The following CHRM1 variants were observed in gnomAD, a reference collection of about 807,000 sequenced individuals.
The protein encoded by CHRM1 is cholinergic receptor muscarinic 1.
A neutral mutation model predicts 31.6 loss-of-function variants in CHRM1; 5 were observed. The observed-to-expected ratio is 0.16, with a 90% CI of 0.08 to 0.33. The LOEUF is 0.33. Ranked by LOEUF, CHRM1 falls within the 10% of genes least tolerant of loss-of-function variation. CHRM1 has a pLI of 1.00. For synonymous variants in CHRM1, 227 were observed against 249.7 expected, an observed-to-expected ratio of 0.91 and a Z score of 0.86; for missense variants, 338 against 610.3, an observed-to-expected ratio of 0.55 and a Z score of 4.70.
At chr11:62,913,558 C>T (rs1051108186) in intron 1 of CHRM1, among the ~76,000 whole-genome samples, 5 of 151,808 alleles carry the variant, frequency 3.3e-5, no homozygotes, top group Non-Finnish European at 7.4e-5. Context: ...GTAACCCTAG[C>T]TACTCTGGAG....
chr11:62,910,085 T>A lies in CHRM1; in HGVS notation c.1016A>T (p.Lys339Met), dbSNP rs370707333. 1.9e-6 allele frequency: 3 copies of A among 1,612,894 alleles called. No homozygotes were observed. The highest frequency in any genetic ancestry group is 1.7e-6 in the Non-Finnish European group (2 of 1,179,752). ...CTCCTTTCCACGGGGCTTCTGGCCC[T>A]TGCCAGCTCGATCACGCCCTTTCTT... Reference protein sequence around the residue: ...PTKKGRDRAGKGQKPRGKEQL... With the variant: ...PTKKGRDRAGMGQKPRGKEQL... Residue 339 changes from lysine (K) to methionine (M), a missense_variant, in exon 2 of 2, where the codon AAG (lysine) becomes ATG (methionine). By Grantham distance (95) the Lys-to-Met change is moderately conservative (BLOSUM62 -1). Transcript: ENST00000306960. This position sits in a 1 kb window ranked among gnomAD's most constrained non-coding sequence, Gnocchi z 8.7.
At position 62,910,534 on chromosome 11, in the gene CHRM1, G is replaced by A. The variant is rs1428064070; in HGVS notation, c.567C>T (p.Thr189=). The stretch of plus-strand genomic sequence containing the variant: ...AGAAGGCAGCCATGGCTGTGCCAAA[G>A]GTGATGATGGGCTGGGAGAGGAACT... ...YIQFLSQPII[T]FGTAMAAFYL... Residue 189 remains threonine, a synonymous_variant, in exon 2 of 2, where the codon ACC becomes ACT. Coordinates refer to ENST00000306960, the MANE Select transcript of CHRM1 (RefSeq NM_000738.3). This position sits in a 1 kb window ranked among gnomAD's most constrained non-coding sequence, Gnocchi z 8.7. 1.2e-6 allele frequency: 2 copies of A among 1,614,202 alleles called. No individual in the cohort carries two copies. Among genetic ancestry groups the A allele is most frequent in the South Asian group, 1.1e-5 (1 of 91,082 alleles).
rs930762532 is a variant in CHRM1 at position 62,909,445 on chromosome 11, G to A, written c.*273C>T. 6.1e-6 allele frequency: 3 copies of A among 492,192 alleles called. No individual in the cohort carries two copies. Among genetic ancestry groups the A allele is most frequent in the South Asian group, 3.1e-5 (1 of 32,654 alleles). 30.5% of individuals were successfully genotyped at this position (492,192 alleles called of 1,614,324 possible). On this transcript the variant is annotated 3_prime_UTR_variant, in exon 2 of 2. Coordinates refer to ENST00000306960, the MANE Select transcript of CHRM1 (RefSeq NM_000738.3). Reference sequence around the variant, plus strand: ...AAGGCAAACAAGGAGTCCAAAGCCCGGATCCTCCTCCCGGGCCTTCTTCCT... The same window carrying A: ...AAGGCAAACAAGGAGTCCAAAGCCCAGATCCTCCTCCCGGGCCTTCTTCCT...
At chr11:62,919,705 C>T (rs577255229) in intron 1 of CHRM1, among the ~76,000 whole-genome samples, 1 of 152,240 alleles carries the variant, frequency 6.6e-6, no homozygotes, top group African/African-American at 2.4e-5. Flanking sequence ...GGAGCCCAAG[C>T]TTCTGCGTCT....
Position 62,909,846 on chromosome 11 carries a change from C to G in CHRM1, c.1255G>C (p.Ala419Pro). The part of the protein sequence containing the change: ...VNSTINPMCY[A>P]LCNKAFRDTF... Reference sequence around the variant, plus strand: ...TCCCGGAAGGCTTTGTTGCAGAGTGCGTAGCACATGGGGTTGATGGTGCTG... The same window carrying G: ...TCCCGGAAGGCTTTGTTGCAGAGTGGGTAGCACATGGGGTTGATGGTGCTG... Residue 419 changes from alanine to proline, a missense_variant, in exon 2 of 2, where the codon GCA becomes CCA. By Grantham distance (27) the Ala-to-Pro change is conservative. Coordinates refer to ENST00000306960, the MANE Select transcript of CHRM1 (RefSeq NM_000738.3). 6.2e-7 allele frequency: 1 copy of G among 1,614,252 alleles called. No homozygotes were observed. The highest frequency in any genetic ancestry group is 8.5e-7 in the Non-Finnish European group (1 of 1,180,030).
At position 62,908,760 on chromosome 11, in the gene CHRM1, C is replaced by T. The variant is rs1237344145; in HGVS notation, c.*958G>A. ...AAAGAACATTTGGGGCCAGGCTGGG[C>T]CTGGAGATCCGGGTGGCTGGGAGGC... On this transcript the variant is annotated 3_prime_UTR_variant, in exon 2 of 2. Transcript: ENST00000306960. 1 of 153,004 alleles carries T rather than the reference C, an allele frequency of 6.5e-6. No homozygotes were observed. The highest frequency in any genetic ancestry group is 1.5e-5 in the Non-Finnish European group (1 of 68,332). The allele number at this position is 153,004 out of a possible 1,614,324, so 9.5% of individuals were successfully genotyped here. A position where few individuals can be genotyped will look rare whatever the true frequency, so the allele number is the denominator to read the frequency against.
rs190710173 is a variant in CHRM1, at chr11:62,911,785, G to C, written c.-78-607C>G. On this transcript the variant is annotated intron_variant, in intron 1 of 1. Transcript: ENST00000306960. ...CAGAAATGTGTCCTAAAACAGGAAA[G>C]AAAGAAAAGAAGCCATTCTCACTCT... 6.6e-5 allele frequency among the ~76,000 whole-genome samples: 10 copies of C among 152,254 alleles called. No individual in the cohort carries two copies. In the East Asian group the frequency reaches 1.9e-3, roughly 29 times the overall value.
At chr11:62,913,417 A>G (rs2085883091) in intron 1 of CHRM1, among the ~76,000 whole-genome samples, 1 of 152,182 alleles carries the variant, frequency 6.6e-6, no homozygotes, top group Non-Finnish European at 1.5e-5. Context: ...CACGCCTGTA[A>G]TCCCAGCACT....
rs1483531153 is a variant in CHRM1 at position 62,909,575 on chromosome 11, T to C, written c.*143A>G. 8.8e-6 allele frequency: 9 copies of C among 1,019,622 alleles called. No individual in the cohort carries two copies. The highest frequency in any genetic ancestry group is 1.6e-5 in the African/African-American group (1 of 62,174). 63.2% of individuals were successfully genotyped at this position (1,019,622 alleles called of 1,614,324 possible). On this transcript the variant is annotated 3_prime_UTR_variant, in exon 2 of 2. Transcript: ENST00000306960. ...GTCTGGAAAGTTGGCAGGGTCTCTC[T>C]GGGCTGCCCAGGAAGGTGACCCAGG... is the stretch of plus-strand genomic sequence containing the variant.
At chr11:62,919,560 G>A (rs1355441539) in intron 1 of CHRM1, among the ~76,000 whole-genome samples, 1 of 152,086 alleles carries the variant, frequency 6.6e-6, no homozygotes, top group East Asian at 1.9e-4. Context: ...CAAGCCCCCT[G>A]CTCCTGGCTC....
intron 1 of CHRM1, among the ~76,000 whole-genome samples, chr11:62,919,014 T>C (rs191787377): frequency 2.7e-4 from 41 of 152,002 alleles, no homozygotes; most frequent in African/African-American, 4.3e-4. Flanking sequence ...GGGGATAACA[T>C]TGGGGAGTGG....
chr11:62,916,774 G>A (rs1230372369), intron 1 of CHRM1: 1 of 152,338 alleles, frequency 6.6e-6, no homozygotes, highest in Non-Finnish European at 1.5e-5. Flanking sequence ...TGGTGGAGGT[G>A]GGATTCTGAC....
chr11:62,913,911 C>T (rs182518639), intron 1 of CHRM1, among the ~76,000 whole-genome samples: 147 of 150,268 alleles, frequency 9.8e-4, no homozygotes, highest in African/African-American at 3.5e-3. Flanking sequence ...GTTGCGCGAT[C>T]TCGGCTCACT....
chr11:62,912,274 A>G (rs1258608617), intron 1 of CHRM1, among the ~76,000 whole-genome samples: 1 of 149,208 alleles, frequency 6.7e-6, no homozygotes, highest in African/African-American at 2.5e-5. Flanking sequence ...AGACTGAGGC[A>G]GGAGAATCGT....
chr11:62,914,154 C>T (rs180900180), intron 1 of CHRM1, among the ~76,000 whole-genome samples: 84 of 152,220 alleles, frequency 5.5e-4, no homozygotes, highest in Non-Finnish European at 3.4e-4. Flanking sequence ...CAGTGTTAGC[C>T]AGGATGGTCT....
At chr11:62,918,681 C>T (rs1316724348) in intron 1 of CHRM1, among the ~76,000 whole-genome samples, 2 of 152,182 alleles carry the variant, frequency 1.3e-5, no homozygotes, top group African/African-American at 4.8e-5. Flanking sequence ...TTAGCCTGGG[C>T]TCAAAGGGTT....
At chr11:62,915,653 C>T (rs2085896591) in intron 1 of CHRM1, among the ~76,000 whole-genome samples, 1 of 152,168 alleles carries the variant, frequency 6.6e-6, no homozygotes, top group African/African-American at 2.4e-5. Flanking sequence ...GGGTTTGAAG[C>T]TTGGCGCTGA....
At chr11:62,915,146 G>A (rs2085893781) in intron 1 of CHRM1, among the ~76,000 whole-genome samples, 1 of 126,632 alleles carries the variant, frequency 7.9e-6, no homozygotes, top group African/African-American at 3.0e-5. Flanking sequence ...CTGCACTCCA[G>A]CCTGGGTGAC....
chr11:62,919,295 G>A (rs2085917976), intron 1 of CHRM1, among the ~76,000 whole-genome samples: 1 of 152,210 alleles, frequency 6.6e-6, no homozygotes, highest in African/African-American at 2.4e-5. Flanking sequence ...AGGCTCAACA[G>A]TTGCCATTGG....
Sources: gnomAD v4.1 joint callset for allele counts (sites outside exome capture counted in the v4.1 genomes callset) on GRCh38, gnomAD v4.1.1 for gene constraint, Gnocchi (gnomAD v3.1) non-coding constraint, MANE v1.5 for transcripts, NCBI Gene and HGNC (gene_info 2026-07-23, HGNC 2026-07-21) for gene names.